Variants in CEP112 observed in about 807,000 individuals in gnomAD.
CEP112 encodes centrosomal protein of 112 kDa.
Under a neutral mutation model 153.0 loss-of-function variants are expected in CEP112, and 127 were observed. That is an observed-to-expected ratio of 0.83 (90% CI 0.72 to 0.96). The LOEUF (loss-of-function observed/expected upper bound fraction) is 0.96. Ranked by LOEUF, CEP112 falls within the 40% of genes least tolerant of loss-of-function variation. CEP112 has a pLI of 0.00. For synonymous variants in CEP112, 358 were observed against 374.4 expected (o/e 0.96, Z 0.51); for missense variants, 1,089 against 1,101.2 (o/e 0.99, Z 0.16).
Position 65,879,751 on chromosome 17 carries a change from C to T in CEP112, c.2163+22401G>A, listed in dbSNP as rs550788672. Reference sequence around the variant, plus strand: ...CTCTGAAAAAGAAATAGGAAAAGTACAAACAGATCTTTTCAAGTTTAAAAA... The same window carrying T: ...CTCTGAAAAAGAAATAGGAAAAGTATAAACAGATCTTTTCAAGTTTAAAAA... On this transcript the variant is annotated intron_variant, in intron 20 of 26. Coordinates refer to ENST00000535342, the MANE Select transcript of CEP112 (RefSeq NM_001199165.4). Among the ~76,000 whole-genome samples the T allele has an allele frequency of 5.3e-4, 77 of 145,484 alleles. 1 individual carries two copies. Among genetic ancestry groups the T allele is most frequent in the South Asian group, 3.7e-3 (17 of 4,576 alleles).
chr17:65,956,474 T>C (rs1003510786), intron 18 of CEP112, among the ~76,000 whole-genome samples: 4 of 150,690 alleles, frequency 2.7e-5, no homozygotes, highest in African/African-American at 9.8e-5. Flanking sequence ...AACAAAATAA[T>C]GGCATTCACA....
intron 20 of CEP112, among the ~76,000 whole-genome samples, chr17:65,874,611 T>C (rs1231728981): frequency 6.6e-6 from 1 of 152,136 alleles, no homozygotes; most frequent in African/African-American, 2.4e-5. Context: ...TGCTTCTCTC[T>C]TAAAATTTTA....
intron 21 of CEP112, among the ~76,000 whole-genome samples, chr17:65,844,487 C>A (rs1365830653): frequency 6.6e-6 from 1 of 151,668 alleles, no homozygotes; most frequent in Non-Finnish European, 1.5e-5. Flanking sequence ...GAGTTCAAGA[C>A]CAGCCTGGTC....
At chr17:66,026,315 T>C (rs2065208996) in intron 16 of CEP112, among the ~76,000 whole-genome samples, 1 of 152,198 alleles carries the variant, frequency 6.6e-6, no homozygotes, top group African/African-American at 2.4e-5. Flanking sequence ...CTCTGCACTT[T>C]ACTGCCTAAG....
chr17:66,140,810 T>A (rs2070662364), intron 4 of CEP112, among the ~76,000 whole-genome samples: 2 of 151,872 alleles, frequency 1.3e-5, no homozygotes, highest in Non-Finnish European at 2.9e-5. Context: ...GCTAATTTTT[T>A]TTTTATTTTT....
intron 23 of CEP112, among the ~76,000 whole-genome samples, chr17:65,740,774 T>A (rs1484029221): frequency 6.6e-6 from 1 of 152,234 alleles, no homozygotes; most frequent in Non-Finnish European, 1.5e-5. Flanking sequence ...AGCCTCATAG[T>A]GGCTGTGCCT....
chr17:66,151,751 C>T (rs1039771627), intron 4 of CEP112, among the ~76,000 whole-genome samples: 5 of 152,168 alleles, frequency 3.3e-5, no homozygotes, highest in African/African-American at 1.2e-4. Context: ...GACCTGAATC[C>T]TATTAACCAT....
At chr17:65,970,402 A>G (rs1007254136) in intron 17 of CEP112, among the ~76,000 whole-genome samples, 1,255 of 124,086 alleles carry the variant, frequency 0.01, 133 homozygotes, top group African/African-American at 0.035. Context: ...ACATGCATGC[A>G]CACATCATGC....
rs1182626657 is a variant in CEP112 at position 65,821,494 on chromosome 17, A to AT, written c.2394+30309_2394+30310insA. On this transcript the variant is annotated intron_variant, in intron 21 of 26. Transcript: ENST00000535342. ...ATCAAATTATTAAACTTATATATAT[A>AT]ATTATATATATATATATAATTATAT... 1.9e-3 allele frequency among the ~76,000 whole-genome samples: 242 copies of AT among 129,336 alleles called. 3 individuals carry two copies. Among genetic ancestry groups the AT allele is most frequent in the South Asian group, 3.6e-3 (15 of 4,148 alleles). 84.8% of individuals were successfully genotyped at this position (129,336 alleles called of 152,430 possible). A position where few individuals can be genotyped will look rare whatever the true frequency, so the allele number is the denominator to read the frequency against.
chr17:65,739,420 AAGAT>A (rs1324683747), intron 23 of CEP112, among the ~76,000 whole-genome samples: 3 of 152,122 alleles, frequency 2.0e-5, no homozygotes, highest in Non-Finnish European at 1.5e-5. Context: ...TGATTTTTAA[AAGAT>A]AGGGTGTTAC....
At chr17:66,155,538 C>A (rs890489108) in intron 4 of CEP112, among the ~76,000 whole-genome samples, 1 of 151,360 alleles carries the variant, frequency 6.6e-6, no homozygotes, top group Admixed American at 6.6e-5. Context: ...GGAATGCCAG[C>A]GAGACAGAAC....
intron 21 of CEP112, among the ~76,000 whole-genome samples, chr17:65,796,053 A>G (rs2054894272): frequency 1.3e-5 from 2 of 152,090 alleles, no homozygotes; most frequent in South Asian, 4.1e-4. Context: ...AGTGCTCCCA[A>G]CAGTTAGAAA....
At chr17:66,029,830 T>C in intron 13 of CEP112, 39 bp downstream of exon 13, 1 of 1,576,804 alleles carries the variant, frequency 6.3e-7, no homozygotes, top group Non-Finnish European at 8.7e-7. Flanking sequence ...ATCAGTACTT[T>C]ATAGCTACAC....
intron 23 of CEP112, among the ~76,000 whole-genome samples, chr17:65,734,187 A>G (rs940497431): frequency 2.0e-5 from 3 of 152,228 alleles, no homozygotes; most frequent in Non-Finnish European, 4.4e-5. Context: ...CGAGGTTGGC[A>G]CGAGTTTCTC....
At chr17:65,749,431 C>G (rs2051677564) in intron 22 of CEP112, among the ~76,000 whole-genome samples, 1 of 151,998 alleles carries the variant, frequency 6.6e-6, no homozygotes, top group Non-Finnish European at 1.5e-5. Context: ...TGGCGTGAAT[C>G]AGGGAGGTGG....
chr17:65,861,913 A>G (rs2058323071), intron 20 of CEP112, among the ~76,000 whole-genome samples: 1 of 152,246 alleles, frequency 6.6e-6, no homozygotes, highest in Non-Finnish European at 1.5e-5. Context: ...CACATGCCCA[A>G]TAATGTACAC....
At chr17:66,054,672 T>C (rs2066601837) in intron 11 of CEP112, among the ~76,000 whole-genome samples, 1 of 152,138 alleles carries the variant, frequency 6.6e-6, no homozygotes, top group South Asian at 2.1e-4. Context: ...GAGTCTAACT[T>C]CCATTCCCTG....
At chr17:65,927,064 G>A (rs1053635167) in intron 19 of CEP112, among the ~76,000 whole-genome samples, 6 of 152,110 alleles carry the variant, frequency 3.9e-5, no homozygotes, top group Non-Finnish European at 8.8e-5. Flanking sequence ...GAATGGCTTG[G>A]GCCATCCCCT....
chr17:66,010,846 T>C (rs2064492565), intron 16 of CEP112, among the ~76,000 whole-genome samples: 1 of 152,196 alleles, frequency 6.6e-6, no homozygotes, highest in Non-Finnish European at 1.5e-5. Context: ...GATGTGCTGC[T>C]GAATTTGGTT....
Sources: gnomAD v4.1 joint callset for allele counts (sites outside exome capture counted in the v4.1 genomes callset) on GRCh38, gnomAD v4.1.1 for gene constraint, MANE v1.5 for transcripts, NCBI Gene and HGNC (gene_info 2026-07-23, HGNC 2026-07-21) for gene names.